Variants in RGSL1 observed in about 807,000 individuals in gnomAD.
RGSL1 encodes the protein regulator of G protein signaling protein-like.
A neutral mutation model predicts 124.7 loss-of-function variants in RGSL1; 97 were observed. The ratio of observed to expected loss-of-function variants is 0.78; its 90% confidence interval spans 0.66 to 0.92. RGSL1 has a LOEUF of 0.92. Among genes scored for constraint, RGSL1 ranks in the 40% least tolerant of loss-of-function variants. The pLI is 0.00. For synonymous variants in RGSL1, 424 were observed against 438.1 expected, an observed-to-expected ratio of 0.97 and a Z score of 0.40; for missense variants, 1,233 against 1,288.4, an observed-to-expected ratio of 0.96 and a Z score of 0.66.
At chr1:182,547,839 A>T (rs2102320059) in intron 15 of RGSL1, among the ~76,000 whole-genome samples, 1 of 152,004 alleles carries the variant, frequency 6.6e-6, no homozygotes, top group African/African-American at 2.4e-5. Context: ...CCAGCCTGGG[A>T]TACAGAGTGA....
intron 6 of RGSL1, among the ~76,000 whole-genome samples, chr1:182,485,061 G>A (rs1333291882): frequency 6.6e-6 from 1 of 152,128 alleles, no homozygotes; most frequent in Non-Finnish European, 1.5e-5. Flanking sequence ...TAGCTGTGTG[G>A]CCATTAGGCA....
At chr1:182,515,554 G>GC (rs1657809936) in intron 9 of RGSL1, among the ~76,000 whole-genome samples, 1 of 12,320 alleles carries the variant, frequency 8.1e-5, no homozygotes, top group African/African-American at 2.5e-4. Context: ...AAAAAAAAAA[G>GC]GGGGGGGCGG....
At chr1:182,530,141 G>A (rs972214160) in intron 11 of RGSL1, 103 bp from the exon 12 acceptor site, 5 of 740,168 alleles carry the variant, frequency 6.8e-6, no homozygotes, top group Non-Finnish European at 1.1e-5. Flanking sequence ...TTGAAAATGG[G>A]GGCTGTGAGA....
chr1:182,522,148 A>G (rs761302870), intron 10 of RGSL1, 39 bp downstream of exon 10: 3 of 1,413,606 alleles, frequency 2.1e-6, no homozygotes. Flanking sequence ...ATCTTCAGGT[A>G]CATGCTTTTG....
chr1:182,473,764 G>C lies in RGSL1; in HGVS notation c.653G>C (p.Arg218Pro), dbSNP rs187330891. The change falls in exon 6 of 22, where the codon CGC becomes CCC. Residue 218 changes from arginine (R) to proline (P), a missense_variant. By Grantham distance (103) the Arg-to-Pro change is moderately radical. Coordinates refer to ENST00000294854, the MANE Select transcript of RGSL1 (RefSeq NM_001137669.2). ...GGTCTGATGCAAGAGTACGAGACTC[G>C]CTTATACAGCGTTTGCTACACCCAC... ...CHGLMQEYET[R>P]LYSVCYTHIG... 31 of 1,551,648 alleles carry C rather than the reference G, an allele frequency of 2.0e-5. No homozygotes were observed. The highest frequency in any genetic ancestry group is 2.7e-5 in the Non-Finnish European group (31 of 1,146,980).
At chr1:182,485,340 T>C (rs942948829) in intron 6 of RGSL1, among the ~76,000 whole-genome samples, 2 of 152,204 alleles carry the variant, frequency 1.3e-5, no homozygotes, top group Admixed American at 1.3e-4. Context: ...TTTCCTTTTG[T>C]TATTTTAACT....
At position 182,463,293 on chromosome 1, in the gene RGSL1, CAAAAAA is replaced by C. The variant is rs1213777400; in HGVS notation, c.301+3173_301+3178del. 7.8e-3 allele frequency among the ~76,000 whole-genome samples: 475 copies of C among 60,530 alleles called. 9 individuals are homozygous for C. The highest frequency in any genetic ancestry group is 0.026 in the African/African-American group (460 of 17,664). 39.7% of individuals were successfully genotyped at this position (60,530 alleles called of 152,430 possible). A position where few individuals can be genotyped will look rare whatever the true frequency, so the allele number is the denominator to read the frequency against. ...TGGGCGACAGAGCAAGACTCCATCT[CAAAAAA>C]AAAAAAAAAAAAGGAAATTAACTTT... On this transcript the variant is annotated intron_variant, in intron 4 of 21. Transcript: ENST00000294854.
At chr1:182,524,769 C>G (rs1197661423) in intron 10 of RGSL1, among the ~76,000 whole-genome samples, 1 of 152,164 alleles carries the variant, frequency 6.6e-6, no homozygotes, top group African/African-American at 2.4e-5. Context: ...CGATAGTAAG[C>G]CTTGTGGCCA....
At position 182,553,513 on chromosome 1, in the gene RGSL1, A is replaced by G; in HGVS notation, c.3102A>G (p.Gln1034=). ...LLRGIEWLQP[Q]REAISSVQNS... Reference sequence around the variant, plus strand: ...GAGGTATTGAGTGGTTGCAGCCTCAACGGGAAGCAATAAGTTCAGTTCAAA... The same window carrying G: ...GAGGTATTGAGTGGTTGCAGCCTCAGCGGGAAGCAATAAGTTCAGTTCAAA... Residue 1034 remains glutamine (Q), a synonymous_variant, in exon 19 of 22, where the codon CAA becomes CAG. Transcript: ENST00000294854. 1.3e-6 allele frequency: 2 copies of G among 1,552,026 alleles called. No homozygotes were observed. The highest frequency in any genetic ancestry group is 1.7e-6 in the Non-Finnish European group (2 of 1,147,034).
intron 15 of RGSL1, among the ~76,000 whole-genome samples, chr1:182,542,746 AT>A (rs1659973373): frequency 1.3e-5 from 2 of 151,158 alleles, no homozygotes; most frequent in Non-Finnish European, 3.0e-5. Context: ...TTTCATCAGT[AT>A]TTTCCTTGTA....
At chr1:182,481,754 G>GGGA (rs33960371) in intron 6 of RGSL1, among the ~76,000 whole-genome samples, 61,973 of 151,840 alleles carry the variant, frequency 0.41, 13,471 homozygotes, top group African/African-American at 0.53. Context: ...AGGCTGAAGT[G>GGGA]GGATTGCTTG....
chr1:182,499,599 G>A (rs1471318457), intron 9 of RGSL1, among the ~76,000 whole-genome samples: 1 of 152,156 alleles, frequency 6.6e-6, no homozygotes, highest in Non-Finnish European at 1.5e-5. Flanking sequence ...CTTGAAGATA[G>A]TAACAGTTGG....
At chr1:182,489,288 C>A in intron 8 of RGSL1, 86 bp downstream of exon 8, 3 of 1,209,726 alleles carry the variant, frequency 2.5e-6, no homozygotes, top group Non-Finnish European at 3.5e-6. Context: ...ATTTACTAAG[C>A]GTCAGCACTA....
chr1:182,505,140 A>G (rs624416), intron 9 of RGSL1, among the ~76,000 whole-genome samples: 131,278 of 152,194 alleles, frequency 0.86, 56,943 homozygotes, highest in African/African-American at 0.9. Flanking sequence ...CAATACTTGT[A>G]TCCTTAAATT....
intron 7 of RGSL1, chr1:182,488,720 C>T (rs1458574719): frequency 2.9e-5 from 9 of 307,966 alleles, no homozygotes; most frequent in Non-Finnish European, 4.9e-5. Flanking sequence ...AGCGAGACTC[C>T]GTCTCAAAAA....
In RGSL1 at chr1:182,453,960, A is replaced by G; in HGVS notation, c.16A>G (p.Ile6Val). ...TTTATTTCTCTCTCTCCATATAGAG[A>G]TAATTGGTTCTACAAATCTTATAAT... is the stretch of plus-strand genomic sequence containing the variant. MSSAE[I>V]IGSTNLIILL... Residue 6 changes from isoleucine to valine, a missense_variant and splice_region_variant, in exon 2 of 22, where the codon ATA becomes GTA. By Grantham distance (29) the Ile-to-Val change is conservative (BLOSUM62 3). Coordinates refer to ENST00000294854, the MANE Select transcript of RGSL1 (RefSeq NM_001137669.2). 1.3e-6 allele frequency: 2 copies of G among 1,482,148 alleles called. No individual in the cohort carries two copies. Among genetic ancestry groups the G allele is most frequent in the Non-Finnish European group, 1.8e-6 (2 of 1,084,122 alleles). The allele number at this position is 1,482,148 out of a possible 1,614,324, so 91.8% of individuals were successfully genotyped here.
At position 182,533,296 on chromosome 1, in the gene RGSL1, C is replaced by CTT. The variant is rs71573276; in HGVS notation, c.2494+521_2494+522dup. On this transcript the variant is annotated intron_variant, in intron 14 of 21. Coordinates refer to ENST00000294854, the MANE Select transcript of RGSL1 (RefSeq NM_001137669.2). ...CACATATTTGATTTGTAACTTGCTTCTTTTTTTTTTTTTTTTTGTTCAACA... is the reference window on the plus strand; with the variant it reads ...CACATATTTGATTTGTAACTTGCTTCTTTTTTTTTTTTTTTTTTTGTTCAACA... 4.5e-3 allele frequency among the ~76,000 whole-genome samples: 485 copies of CTT among 107,700 alleles called. 21 individuals carry two copies. The highest frequency in any genetic ancestry group is 0.019 in the African/African-American group (436 of 22,948). The allele number at this position is 107,700 out of a possible 152,430, so 70.7% of individuals were successfully genotyped here.
intron 10 of RGSL1, among the ~76,000 whole-genome samples, chr1:182,523,198 G>GT (rs1553269516): frequency 1.4e-5 from 2 of 147,522 alleles, no homozygotes; most frequent in Middle Eastern, 3.6e-3. Context: ...CACCATGCCT[G>GT]TTTTTTTTTC....
intron 17 of RGSL1, chr1:182,549,042 A>C (rs1461256503): frequency 4.1e-6 from 2 of 483,472 alleles, no homozygotes. Flanking sequence ...CTGAGAGCCA[A>C]ACGCCTGGTT....
Sources: allele counts gnomAD v4.1 joint callset (sites outside exome capture counted in the v4.1 genomes callset), GRCh38; gene constraint gnomAD v4.1.1; transcripts MANE v1.5; gene names NCBI Gene and HGNC (gene_info 2026-07-23, HGNC 2026-07-21).